TNK2: variants seen among roughly 807,000 people sequenced by gnomAD.
TNK2 encodes tyrosine kinase non receptor 2.
Under a neutral mutation model 101.8 loss-of-function variants are expected in TNK2, and 83 were observed. The ratio of observed to expected loss-of-function variants is 0.82; its 90% CI spans 0.68 to 0.98. The LOEUF is 0.98. Ranked by LOEUF, TNK2 falls within the 50% of genes least tolerant of loss-of-function variation. The pLI is 0.00. For missense variants in TNK2, 1,665 were observed against 1,483.2 expected (o/e 1.12, Z -2.01); for synonymous variants, 804 against 633.0 (o/e 1.27, Z -4.06).
intron 10 of TNK2, 30 bp from the exon 11 acceptor site, chr3:195,870,235 C>T (rs374630642): frequency 1.9e-6 from 3 of 1,601,832 alleles, no homozygotes; most frequent in Non-Finnish European, 2.6e-6. Context: ...GTCAAGAGAG[C>T]AGGGGAAGCG....
Position 195,864,032 on chromosome 3 carries a change from G to C in TNK2, c.*149C>G. ...AGGGATGGGCAGGGCAGGGCTCCCA[G>C]CCTCCCGCAGCCTTGGCCTTGCTCC... On this transcript the variant is annotated 3_prime_UTR_variant, in exon 16 of 16. Coordinates refer to ENST00000672887, the MANE Select transcript of TNK2 (RefSeq NM_001382273.1). 1 of 1,054,662 alleles carries C rather than the reference G, an allele frequency of 9.5e-7. No homozygotes were observed. Among genetic ancestry groups the C allele is most frequent in the Non-Finnish European group, 1.4e-6 (1 of 707,640 alleles). The allele number at this position is 1,054,662 out of a possible 1,614,324, so 65.3% of individuals were successfully genotyped here. A position where few individuals can be genotyped will look rare whatever the true frequency, so the allele number is the denominator to read the frequency against.
In TNK2 at chr3:195,867,533, G is replaced by C; in HGVS notation, c.2765C>G (p.Ala922Gly). 6.5e-7 allele frequency: 1 copy of C among 1,536,984 alleles called. No individual in the cohort carries two copies. Among genetic ancestry groups the C allele is most frequent in the South Asian group, 1.2e-5 (1 of 83,110 alleles). The stretch of plus-strand genomic sequence containing the variant: ...AGCCTGGGGCATCGGCCGCACGGTG[G>C]CCGTGGGGGCGGCGGGGGCTGGGGT... ...PSTPAPAAPT[A>G]TVRPMPQAAL... is the part of the protein sequence containing the mutation. Residue 922 changes from alanine to glycine, a missense_variant, in exon 13 of 16, where the codon GCC becomes GGC. Ala to Gly is a moderately conservative substitution (Grantham distance 60). Around this residue, in one of 3 missense-constraint regions of TNK2, gnomAD observed 1,136 missense variants for 894.9 expected, o/e 1.27. Transcript: ENST00000672887.
At chr3:195,872,192 CA>C in intron 10 of TNK2, 83 bp downstream of exon 10, 1 of 1,452,692 alleles carries the variant, frequency 6.9e-7, no homozygotes, top group South Asian at 1.3e-5. Flanking sequence ...GGGTGAAGAG[CA>C]GATTCCGCCC....
Position 195,864,192 on chromosome 3 carries a change from A to C in TNK2, c.3162-5T>G. On this transcript the variant is annotated splice_polypyrimidine_tract_variant and splice_region_variant and intron_variant, in intron 15 of 15. Coordinates refer to ENST00000672887, the MANE Select transcript of TNK2 (RefSeq NM_001382273.1). ...TCTCCAGACGCATCTCAGCGCCTAG[A>C]GAATGGGAAACCACCAGCACAGTTA... 6.2e-7 allele frequency: 1 copy of C among 1,614,018 alleles called. No homozygotes were observed. Among genetic ancestry groups the C allele is most frequent in the South Asian group, 1.1e-5 (1 of 91,090 alleles).
intron 1 of TNK2, among the ~76,000 whole-genome samples, chr3:195,900,421 C>T (rs1761082548): frequency 6.6e-6 from 1 of 152,212 alleles, no homozygotes; most frequent in South Asian, 2.1e-4. Context: ...ACCCAGTCCA[C>T]ACTGAACCTG....
chr3:195,865,972 C>A (rs911456067), intron 15 of TNK2, among the ~76,000 whole-genome samples: 4 of 152,164 alleles, frequency 2.6e-5, no homozygotes, highest in Non-Finnish European at 5.9e-5. Context: ...CAGCAGGTAT[C>A]TCCAGGGCCT....
intron 1 of TNK2, among the ~76,000 whole-genome samples, chr3:195,899,075 G>A (rs942970381): frequency 2.6e-5 from 4 of 152,130 alleles, no homozygotes; most frequent in Non-Finnish European, 4.4e-5. Context: ...CAGCCTGGGC[G>A]ACAGAGAGAC....
At chr3:195,876,388 T>C (rs997031618) in intron 9 of TNK2, 5 of 456,340 alleles carry the variant, frequency 1.1e-5, no homozygotes, top group Non-Finnish European at 2.2e-5. Context: ...AAGGCCAGGC[T>C]AGGAGGGAAC....
chr3:195,875,461 A>C (rs1231501965), intron 9 of TNK2, among the ~76,000 whole-genome samples: 5 of 147,686 alleles, frequency 3.4e-5, no homozygotes, highest in African/African-American at 1.3e-4. Flanking sequence ...TCGGAGGCAC[A>C]GGAAGCTCCC....
intron 9 of TNK2, among the ~76,000 whole-genome samples, chr3:195,877,910 GGGAGAGAAGC>G (rs1750328942): frequency 6.7e-6 from 1 of 148,572 alleles, no homozygotes; most frequent in African/African-American, 2.6e-5. Flanking sequence ...GGAAGAAGCA[GGGAGAGAAGC>G]GGGGAGGAGC....
intron 1 of TNK2, chr3:195,892,303 G>A: frequency 8.7e-7 from 1 of 1,143,688 alleles, no homozygotes; most frequent in Non-Finnish European, 1.2e-6. Context: ...AGCCCTCACT[G>A]GCGGGGTCCC....
At chr3:195,871,977 C>A (rs13097551) in intron 10 of TNK2, among the ~76,000 whole-genome samples, 5 of 146,340 alleles carry the variant, frequency 3.4e-5, no homozygotes, top group Admixed American at 1.3e-4. Context: ...CCTGGAGAAC[C>A]CTCCCCTGGA....
At chr3:195,871,556 G>T (rs371719538) in intron 10 of TNK2, among the ~76,000 whole-genome samples, 3 of 152,108 alleles carry the variant, frequency 2.0e-5, no homozygotes, top group Admixed American at 6.5e-5. Context: ...GGGGGCCACA[G>T]GGGGGTCATG....
intron 1 of TNK2, among the ~76,000 whole-genome samples, chr3:195,901,950 G>A (rs917570558): frequency 9.9e-5 from 15 of 152,198 alleles, no homozygotes; most frequent in African/African-American, 2.9e-4. Context: ...TGAATGCATG[G>A]ATTCTGTGAG....
intron 10 of TNK2, among the ~76,000 whole-genome samples, chr3:195,871,910 G>A (rs986967125): frequency 2.7e-5 from 4 of 148,628 alleles, no homozygotes; most frequent in Non-Finnish European, 4.5e-5. Context: ...AACGCTCCCC[G>A]GAGAACCCTC....
Position 195,866,895 on chromosome 3 carries a change from T to G in TNK2, c.3155A>C (p.His1052Pro). The change falls in exon 15 of 16, where the codon CAC becomes CCC. Residue 1052 changes from histidine (H) to proline (P), a missense_variant. His to Pro is a moderately conservative substitution (Grantham distance 77, BLOSUM62 -2). This residue lies in a region of TNK2 where 1,136 missense variants were observed against 894.9 expected (regional missense o/e 1.27). Transcript: ENST00000672887. The stretch of plus-strand genomic sequence containing the variant: ...GACTGTGGGGCTCACTCACTTGTGG[T>G]GGGCAGGGCCCCAGGAGCCCAGAAG... ...CHLLGSWGPA[H>P]HKR 6.2e-7 allele frequency: 1 copy of G among 1,610,558 alleles called. No homozygotes were observed. Among genetic ancestry groups the G allele is most frequent in the Non-Finnish European group, 8.5e-7 (1 of 1,178,938 alleles).
chr3:195,894,557 AT>A (rs541618034), intron 1 of TNK2: 2,352 of 141,942 alleles, frequency 0.017, 37 homozygotes, highest in African/African-American at 0.05. Flanking sequence ...GTGCCCAGCT[AT>A]TTTTTTTTTT....
intron 1 of TNK2, among the ~76,000 whole-genome samples, chr3:195,889,114 G>A (rs373514090): frequency 3.3e-5 from 5 of 151,792 alleles, no homozygotes; most frequent in East Asian, 3.9e-4. Context: ...TCCTCCCAGC[G>A]CCTGACCACC....
intron 1 of TNK2, among the ~76,000 whole-genome samples, chr3:195,900,296 G>A (rs1232899394): frequency 6.6e-6 from 1 of 151,966 alleles, no homozygotes; most frequent in Non-Finnish European, 1.5e-5. Context: ...GCAGAGCACA[G>A]AGGCAGAGGC....
Sources: gnomAD v4.1 joint callset for allele counts (sites outside exome capture counted in the v4.1 genomes callset) on GRCh38, gnomAD v4.1.1 for gene constraint, gnomAD v4.1.1 regional missense constraint, MANE v1.5 for transcripts, NCBI Gene and HGNC (gene_info 2026-07-23, HGNC 2026-07-21) for gene names.